SFXN5: variants seen among roughly 807,000 people sequenced by gnomAD.
SFXN5 encodes the protein sideroflexin-5.
A neutral mutation model predicts 50.2 loss-of-function variants in SFXN5; 43 were observed. That is an observed-to-expected ratio of 0.86 (90% CI 0.67 to 1.11). The LOEUF (loss-of-function observed/expected upper bound fraction) is 1.11. Among genes scored for constraint, SFXN5 ranks in the 50% least tolerant of loss-of-function variants. The pLI, the probability that SFXN5 is intolerant of heterozygous loss-of-function variation, is 0.00. For synonymous variants in SFXN5, 203 were observed against 185.8 expected (o/e 1.09, Z -0.75); for missense variants, 463 against 454.1 (o/e 1.02, Z -0.18).
At chr2:72,947,135 T>C (rs569982034) in intron 13 of SFXN5, among the ~76,000 whole-genome samples, 1 of 152,290 alleles carries the variant, frequency 6.6e-6, no homozygotes, top group South Asian at 2.1e-4. Flanking sequence ...CCTGAACTTC[T>C]CATACCCCAC....
At chr2:72,946,680 G>A (rs1025110961) in intron 13 of SFXN5, among the ~76,000 whole-genome samples, 2 of 151,994 alleles carry the variant, frequency 1.3e-5, no homozygotes, top group African/African-American at 4.8e-5. Context: ...CGGGAATGAC[G>A]CCGCCATCCA....
intron 6 of SFXN5, among the ~76,000 whole-genome samples, chr2:73,002,012 G>A (rs116363444): frequency 1.3e-5 from 2 of 152,270 alleles, no homozygotes; most frequent in African/African-American, 2.4e-5. Context: ...GAATACCTTC[G>A]TTTCCACTCA....
chr2:73,020,088 A>G (rs1676667458), intron 6 of SFXN5, 151 bp downstream of exon 6: 2 of 689,912 alleles, frequency 2.9e-6, no homozygotes, highest in African/African-American at 3.6e-5. Context: ...AGATGTGGTA[A>G]GAAATACATA....
Position 73,059,901 on chromosome 2 carries a change from G to A in SFXN5, c.103-1305C>T, listed in dbSNP as rs936554993. 8.1e-6 allele frequency: 7 copies of A among 865,668 alleles called. No individual in the cohort carries two copies. In the African/African-American group the frequency reaches 1.2e-4, roughly 15 times the overall value. 53.6% of individuals were successfully genotyped at this position (865,668 alleles called of 1,614,324 possible). ...GGTGTACATACCAAGGATATTCACT[G>A]CTGCATTCTTTACAAAGGTGGATGG... On this transcript the variant is annotated intron_variant, in intron 1 of 13. Transcript: ENST00000272433.
intron 9 of SFXN5, among the ~76,000 whole-genome samples, chr2:72,989,265 C>T (rs906971713): frequency 3.3e-5 from 5 of 152,162 alleles, no homozygotes; most frequent in Admixed American, 1.3e-4. Context: ...CTCCCTCCTC[C>T]GCTCAGTTCA....
intron 10 of SFXN5, among the ~76,000 whole-genome samples, chr2:72,979,919 C>T (rs1285273503): frequency 6.6e-6 from 1 of 152,086 alleles, no homozygotes; most frequent in Non-Finnish European, 1.5e-5. Context: ...CTAAATGACT[C>T]GGGAGAGAGA....
intron 12 of SFXN5, among the ~76,000 whole-genome samples, chr2:72,965,595 G>C (rs181074034): frequency 6.6e-6 from 1 of 152,114 alleles, no homozygotes; most frequent in Non-Finnish European, 1.5e-5. Context: ...CGTGGGGTCG[G>C]AGCCCCACAG....
intron 1 of SFXN5, among the ~76,000 whole-genome samples, chr2:73,068,307 C>G (rs1231121484): frequency 6.6e-6 from 1 of 152,232 alleles, no homozygotes; most frequent in Non-Finnish European, 1.5e-5. Context: ...GCACAAGGTA[C>G]TATGAGCATA....
chr2:73,041,612 C>T, intron 2 of SFXN5: 1 of 422,340 alleles, frequency 2.4e-6, no homozygotes, highest in Non-Finnish European at 4.8e-6. Flanking sequence ...ATCACCTGAA[C>T]CCAGGAGGCA....
In SFXN5 at chr2:72,944,255, G is replaced by T. The variant is rs995501568; in HGVS notation, c.*767C>A. 4 of 152,252 alleles carry T rather than the reference G, an allele frequency of 2.6e-5. No individual in the cohort carries two copies. Among genetic ancestry groups the T allele is most frequent in the Non-Finnish European group, 5.9e-5 (4 of 68,078 alleles). The allele number at this position is 152,252 out of a possible 1,614,324, so 9.4% of individuals were successfully genotyped here. On this transcript the variant is annotated 3_prime_UTR_variant, in exon 14 of 14. Coordinates refer to ENST00000272433, the MANE Select transcript of SFXN5 (RefSeq NM_144579.3). ...TCGGGGTTTCCTGCCTGGAGCTGGG[G>T]TCACTTCAGGGGCCCTGAATCAGTT...
chr2:72,995,141 C>G (rs899958968), intron 9 of SFXN5, among the ~76,000 whole-genome samples: 1 of 152,308 alleles, frequency 6.6e-6, no homozygotes, highest in Admixed American at 6.5e-5. Flanking sequence ...CCGCACATCA[C>G]AGTCCCCCGA....
intron 13 of SFXN5, among the ~76,000 whole-genome samples, chr2:72,948,830 A>T (rs891126828): frequency 6.6e-5 from 10 of 152,158 alleles, no homozygotes; most frequent in Admixed American, 3.9e-4. Flanking sequence ...TCTCAAGTCA[A>T]TCCACCCTCC....
chr2:72,950,953 GGGC>G lies in SFXN5; in HGVS notation c.946-5857_946-5855del, dbSNP rs1672463997. Among the ~76,000 whole-genome samples the G allele has an allele frequency of 6.6e-6, 1 of 152,190 alleles. No homozygotes were observed. The highest frequency in any genetic ancestry group is 6.5e-5 in the Admixed American group (1 of 15,288). On this transcript the variant is annotated intron_variant, in intron 13 of 13. Transcript: ENST00000272433. This position sits in a 1 kb window ranked among gnomAD's most constrained non-coding sequence, Gnocchi z 4.2. ...GGCCCAGGCCCAGGCAGCCAGCTCG[GGGC>G]GGGCTGGAATCCGTGGGCCCATCAT...
At chr2:73,029,434 T>A (rs1678014724) in intron 3 of SFXN5, among the ~76,000 whole-genome samples, 1 of 152,218 alleles carries the variant, frequency 6.6e-6, no homozygotes, top group East Asian at 1.9e-4. Flanking sequence ...GAGCAGTTTT[T>A]TTTTTAAAGG....
At chr2:73,062,129 A>G (rs575227153) in intron 1 of SFXN5, among the ~76,000 whole-genome samples, 6 of 152,310 alleles carry the variant, frequency 3.9e-5, no homozygotes, top group Admixed American at 6.5e-5. Context: ...AAAATAAAAT[A>G]AAGTAAAACA....
At chr2:73,018,259 G>A in intron 6 of SFXN5, among the ~76,000 whole-genome samples, 1 of 150,812 alleles carries the variant, frequency 6.6e-6, no homozygotes, top group East Asian at 1.9e-4. Flanking sequence ...GGAAGAAAAG[G>A]AAAGGAGAAA....
intron 3 of SFXN5, among the ~76,000 whole-genome samples, chr2:73,038,471 C>T (rs192932212): frequency 1.1e-4 from 16 of 152,048 alleles, no homozygotes; most frequent in East Asian, 1.9e-4. Context: ...CATTTAAGCA[C>T]GCTAAATTTA....
chr2:73,055,595 TTTC>T (rs1681987655), intron 2 of SFXN5, among the ~76,000 whole-genome samples: 1 of 149,264 alleles, frequency 6.7e-6, no homozygotes, highest in South Asian at 2.1e-4. Context: ...TTTTTTTCTT[TTTC>T]TTTTTTTTTT....
chr2:73,031,400 C>G (rs1574171648), intron 3 of SFXN5, among the ~76,000 whole-genome samples: 1 of 152,228 alleles, frequency 6.6e-6, no homozygotes, highest in African/African-American at 2.4e-5. Flanking sequence ...GAGCCTGGGT[C>G]CCTGAATAAT....
Sources: allele counts gnomAD v4.1 joint callset (sites outside exome capture counted in the v4.1 genomes callset), GRCh38; gene constraint gnomAD v4.1.1; non-coding constraint Gnocchi (gnomAD v3.1); transcripts MANE v1.5; gene names NCBI Gene and HGNC (gene_info 2026-07-23, HGNC 2026-07-21).